Variants in ERMP1 observed in about 807,000 individuals in gnomAD.
The protein encoded by ERMP1 is Felix-ina.
ERMP1 carries 86 observed loss-of-function variants against 92.0 expected under a neutral mutation model. The ratio of observed to expected loss-of-function variants is 0.93; its 90% CI spans 0.79 to 1.12. ERMP1 has a LOEUF of 1.12. Ranked by LOEUF, ERMP1 falls within the 50% of genes most tolerant of loss-of-function variation. ERMP1 has a pLI of 0.00. For synonymous variants in ERMP1, 530 were observed against 412.8 expected (o/e 1.28, Z -3.44); for missense variants, 1,342 against 1,116.3 (o/e 1.20, Z -2.88).
intron 5 of ERMP1, 79 bp downstream of exon 5, chr9:5,812,810 A>T: frequency 1.4e-6 from 2 of 1,458,010 alleles, no homozygotes; most frequent in Non-Finnish European, 1.9e-6. Context: ...AATGCTGTTT[A>T]CTCACATACT....
intron 4 of ERMP1, among the ~76,000 whole-genome samples, chr9:5,816,286 G>T (rs76073504): frequency 5.9e-5 from 9 of 152,146 alleles, no homozygotes; most frequent in Non-Finnish European, 1.5e-5. Flanking sequence ...CATTATTATA[G>T]TTTAATATTA....
chr9:5,846,310 C>G (rs1830233046), intron 6 of ERMP1, among the ~76,000 whole-genome samples: 1 of 152,194 alleles, frequency 6.6e-6, no homozygotes. Context: ...CCCCCGCCAC[C>G]CACCCAGTGG....
chr9:5,834,329 T>C (rs1830055371), upstream of ERMP1, among the ~76,000 whole-genome samples: 2 of 152,204 alleles, frequency 1.3e-5, no homozygotes, highest in Non-Finnish European at 2.9e-5. Flanking sequence ...CTAATTTAAT[T>C]AAGCTTGCTT....
At chr9:5,787,869 T>C (rs1468846423) in intron 13 of ERMP1, among the ~76,000 whole-genome samples, 1 of 152,210 alleles carries the variant, frequency 6.6e-6, no homozygotes, top group Non-Finnish European at 1.5e-5. Flanking sequence ...ATTTAATCTA[T>C]GTCACAATTT....
intron 6 of ERMP1, among the ~76,000 whole-genome samples, 157 bp downstream of exon 6, chr9:5,811,968 A>G (rs1001916302): frequency 2.0e-5 from 3 of 152,090 alleles, no homozygotes; most frequent in Non-Finnish European, 4.4e-5. Context: ...CTACAAGACT[A>G]AAATTCAAGA....
Position 5,822,316 on chromosome 9 carries a change from T to C in ERMP1, c.874+1580A>G, listed in dbSNP as rs536383738. Among the ~76,000 whole-genome samples the C allele has an allele frequency of 3.3e-4, 51 of 152,270 alleles. 1 individual carries two copies. Among genetic ancestry groups the C allele is most frequent in the African/African-American group, 1.2e-3 (49 of 41,560 alleles). ...ATAATAATGTATCTACTCACTCTTG[T>C]AGATATTAGATCCCAGCTTCTTCTC... On this transcript the variant is annotated intron_variant, in intron 4 of 14. Transcript: ENST00000339450.
At chr9:5,847,383 G>A (rs1301416179) in intron 6 of ERMP1, among the ~76,000 whole-genome samples, 1 of 151,900 alleles carries the variant, frequency 6.6e-6, no homozygotes, top group Non-Finnish European at 1.5e-5. Flanking sequence ...GGACCACAGG[G>A]GCATGTCACC....
rs771236085 is a variant in ERMP1, at chr9:5,797,782, T to TA, written c.2386+34dup. The TA allele has an allele frequency of 3.9e-6, 5 of 1,292,716 alleles. No individual in the cohort carries two copies. In the African/African-American group the frequency reaches 7.5e-5, roughly 19 times the overall value. 80.1% of individuals were successfully genotyped at this position (1,292,716 alleles called of 1,614,324 possible). A position where few individuals can be genotyped will look rare whatever the true frequency, so the allele number is the denominator to read the frequency against. ...GCCACTTATTAACAAGTTTAAGAAA[T>TA]AAAGGAGGGGAGAAAAAACTATTAT... is the stretch of plus-strand genomic sequence containing the variant. On this transcript the variant is annotated intron_variant, in intron 13 of 14. Transcript: ENST00000339450.
intron 2 of ERMP1, among the ~76,000 whole-genome samples, chr9:5,825,714 CT>C (rs1829706792): frequency 6.6e-6 from 1 of 152,064 alleles, no homozygotes. Context: ...TGTAACATTC[CT>C]TTAAGGCTTC....
chr9:5,855,315 C>T (rs1444502421), intron 6 of ERMP1, among the ~76,000 whole-genome samples: 1 of 152,138 alleles, frequency 6.6e-6, no homozygotes, highest in African/African-American at 2.4e-5. Flanking sequence ...CACTCCAGAC[C>T]ACTGAGAGCA....
At chr9:5,855,069 T>C (rs1287788326) in intron 6 of ERMP1, among the ~76,000 whole-genome samples, 1 of 152,198 alleles carries the variant, frequency 6.6e-6, no homozygotes, top group East Asian at 1.9e-4. Flanking sequence ...GCAATCTTCT[T>C]GTTCTCAGTT....
intron 6 of ERMP1, among the ~76,000 whole-genome samples, chr9:5,857,686 G>C (rs893920408): frequency 6.6e-6 from 1 of 152,146 alleles, no homozygotes; most frequent in African/African-American, 2.4e-5. Context: ...AGCAAGGGTG[G>C]ACAGTGGATC....
chr9:5,808,114 T>G (rs939213837), intron 8 of ERMP1, among the ~76,000 whole-genome samples: 2 of 152,200 alleles, frequency 1.3e-5, no homozygotes, highest in African/African-American at 4.8e-5. Flanking sequence ...TAAGCCACCA[T>G]GCCCAGTCTC....
chr9:5,785,109 T>A lies in ERMP1; in HGVS notation c.*2035A>T, dbSNP rs1392789754. ...ACACAAGCCCTGAGACTAGTGAGCA[T>A]CTTACTACTGACCTTGTACAATACC... On this transcript the variant is annotated 3_prime_UTR_variant, in exon 15 of 15. Coordinates refer to ENST00000339450, the MANE Select transcript of ERMP1 (RefSeq NM_024896.3). 1 of 152,158 alleles carries A rather than the reference T, an allele frequency of 6.6e-6. No homozygotes were observed. Among genetic ancestry groups the A allele is most frequent in the African/African-American group, 2.4e-5 (1 of 41,426 alleles). 9.4% of individuals were successfully genotyped at this position (152,158 alleles called of 1,614,324 possible).
chr9:5,849,986 G>C (rs4300052), intron 6 of ERMP1, among the ~76,000 whole-genome samples: 144,945 of 152,260 alleles, frequency 0.95, 69,301 homozygotes, highest in East Asian at 1. Flanking sequence ...GATTTCAATC[G>C]TGGCCTTGCA....
chr9:5,844,148 A>G (rs945936037), intron 6 of ERMP1, among the ~76,000 whole-genome samples: 1 of 152,182 alleles, frequency 6.6e-6, no homozygotes, highest in Non-Finnish European at 1.5e-5. Flanking sequence ...TGTCCTGGAA[A>G]ACACTAACAT....
chr9:5,834,601 G>A (rs1277803399), upstream of ERMP1, among the ~76,000 whole-genome samples: 2 of 152,164 alleles, frequency 1.3e-5, no homozygotes, highest in Non-Finnish European at 1.5e-5. Flanking sequence ...TAAGCACTAT[G>A]AGACTAAAGA....
chr9:5,866,515 C>G (rs1408638726), intron 5 of ERMP1, among the ~76,000 whole-genome samples: 1 of 152,116 alleles, frequency 6.6e-6, no homozygotes, highest in Non-Finnish European at 1.5e-5. Context: ...TCACTTGATG[C>G]TTTTGAAATC....
chr9:5,824,757 A>T (rs1829672252), intron 3 of ERMP1, among the ~76,000 whole-genome samples: 1 of 152,190 alleles, frequency 6.6e-6, no homozygotes, highest in South Asian at 2.1e-4. Flanking sequence ...GACGATCCAT[A>T]TGGCTGGGCA....
Sources: gnomAD v4.1 joint callset for allele counts (sites outside exome capture counted in the v4.1 genomes callset) on GRCh38, gnomAD v4.1.1 for gene constraint, MANE v1.5 for transcripts, NCBI Gene and HGNC (gene_info 2026-07-23, HGNC 2026-07-21) for gene names.